Variants in NOS3 observed in about 807,000 individuals in gnomAD.
NOS3 encodes NOS type III.
In NOS3, 98 loss-of-function variants were observed where a neutral mutation model predicts 144.9. The observed-to-expected ratio is 0.68, with a 90% CI of 0.57 to 0.80. The LOEUF (loss-of-function observed/expected upper bound fraction) is 0.80, where lower values mean the gene tolerates loss of function less well. Ranked by LOEUF, NOS3 falls within the 30% of genes least tolerant of loss-of-function variation. NOS3 has a pLI of 0.00. For synonymous variants in NOS3, 714 were observed against 702.4 expected (o/e 1.02, Z -0.26); for missense variants, 1,465 against 1,656.4 (o/e 0.88, Z 2.01).
chr7:150,994,093 GT>G, intron 2 of NOS3, 132 bp downstream of exon 2: 1 of 979,338 alleles, frequency 1.0e-6, no homozygotes, highest in South Asian at 1.5e-5. Flanking sequence ...GGCTATTAAT[GT>G]GCATAGAACA....
chr7:151,010,349 A>C, intron 21 of NOS3, 62 bp downstream of exon 21: 12 of 1,484,322 alleles, frequency 8.1e-6, no homozygotes, highest in Non-Finnish European at 1.1e-5. Flanking sequence ...GGGGGACCCC[A>C]GTGGCAGGAA....
Position 151,010,616 on chromosome 7 carries a change from A to G in NOS3, c.2705A>G (p.Glu902Gly), listed in dbSNP as rs760523881. 1.9e-6 allele frequency: 3 copies of G among 1,599,052 alleles called. No individual in the cohort carries two copies. Among genetic ancestry groups the G allele is most frequent in the Admixed American group, 3.4e-5 (2 of 58,362 alleles). ...CGCCAGGATCCCCGACGCTACGAGG[A>G]GTGGAAGTGGTTCCGCTGCCCCACG... ...ALSQDPRRYE[E>G]WKWFRCPTLL... The change falls in exon 22 of 27, where the codon GAG (glutamate) becomes GGG (glycine). Residue 902 changes from glutamate to glycine, a missense_variant. By Grantham distance (98) the Glu-to-Gly change is moderately conservative. This residue lies in a region of NOS3 where 745 missense variants were observed against 853.9 expected (regional missense o/e 0.87). Coordinates refer to ENST00000297494, the MANE Select transcript of NOS3 (RefSeq NM_000603.5).
At chr7:150,995,417 G>A (rs1267051154) in intron 3 of NOS3, 103 bp downstream of exon 3, 4 of 711,522 alleles carry the variant, frequency 5.6e-6, no homozygotes, top group Non-Finnish European at 9.5e-6. Flanking sequence ...CTTTGAATTG[G>A]TCCCTTGTTT....
chr7:151,011,115 T>C, intron 23 of NOS3, 129 bp downstream of exon 23: 2 of 663,974 alleles, frequency 3.0e-6, no homozygotes, highest in Non-Finnish European at 5.4e-6. Context: ...GGGTGTGGTG[T>C]CATTAGGTCA....
Position 150,993,941 on chromosome 7 carries a change from C to T in NOS3, c.138C>T (p.Leu46=). 1 of 1,569,470 alleles carries T rather than the reference C, an allele frequency of 6.4e-7. No homozygotes were observed. Among genetic ancestry groups the T allele is most frequent in the Non-Finnish European group, 8.6e-7 (1 of 1,159,598 alleles). ...PEPSRAPASL[L]PPAPEHSPPS... ...CCAGCCGGGCCCCAGCATCCCTACTCCCACCAGCGCCAGAACACAGGTAAG... is the reference window on the plus strand; with the variant it reads ...CCAGCCGGGCCCCAGCATCCCTACTTCCACCAGCGCCAGAACACAGGTAAG... The change falls in exon 2 of 27, where the codon CTC becomes CTT. Residue 46 remains leucine (L), a synonymous_variant. Transcript: ENST00000297494. This position sits in a 1 kb window ranked among gnomAD's most constrained non-coding sequence, Gnocchi z 4.0.
Position 151,013,232 on chromosome 7 carries a change from G to A in NOS3, c.3108G>A (p.Gly1036=), listed in dbSNP as rs1372420356. 6.2e-7 allele frequency: 1 copy of A among 1,612,190 alleles called. No homozygotes were observed. The highest frequency in any genetic ancestry group is 8.5e-7 in the Non-Finnish European group (1 of 1,179,160). The change falls in exon 25 of 27, where the codon GGG becomes GGA. Residue 1036 remains glycine (G), a splice_region_variant and synonymous_variant. Coordinates refer to ENST00000297494, the MANE Select transcript of NOS3 (RefSeq NM_000603.5). Reference sequence around the variant, plus strand: ...TCCCAAGCGCGGGGTTGCTTGCAGGGCTGCAGCCCACTCCCATGACTTTGG... The same window carrying A: ...TCCCAAGCGCGGGGTTGCTTGCAGGACTGCAGCCCACTCCCATGACTTTGG... ...QERLHDIESK[G]LQPTPMTLVF...
chr7:151,003,482 C>T lies in NOS3; in HGVS notation c.1752+1178C>T, dbSNP rs1584907036. ...AAACCCTTTTTGCTGCCTTAGTGTC[C>T]GTTTCAGCCCTCATTCTGACCTACC... On this transcript the variant is annotated intron_variant, in intron 14 of 26. Transcript: ENST00000297494. This position sits in a 1 kb window ranked among gnomAD's most constrained non-coding sequence, Gnocchi z 4.1. 6.5e-6 allele frequency: 8 copies of T among 1,229,140 alleles called. No homozygotes were observed. Among genetic ancestry groups the T allele is most frequent in the Admixed American group, 5.8e-5 (2 of 34,196 alleles). 76.1% of individuals were successfully genotyped at this position (1,229,140 alleles called of 1,614,324 possible).
At chr7:151,000,654 G>A in intron 10 of NOS3, 55 bp downstream of exon 10, 1 of 1,219,464 alleles carries the variant, frequency 8.2e-7, no homozygotes, top group South Asian at 1.2e-5. Flanking sequence ...GGGGGCAGCA[G>A]GGGCGGGGGA....
Position 151,014,056 on chromosome 7 carries a change from CAGG to C in NOS3, c.3503_3505del (p.Glu1168del). 6.2e-7 allele frequency: 1 copy of C among 1,613,804 alleles called. No individual in the cohort carries two copies. Among genetic ancestry groups the C allele is most frequent in the Non-Finnish European group, 8.5e-7 (1 of 1,179,916 alleles). On this transcript the variant is annotated inframe_deletion, in exon 27 of 27. Transcript: ENST00000297494. ...CATTTTCGGGCTCACGCTGCGCACC[CAGG>C]AGGTGACAAGCCGCATACGCACCCA...
In NOS3 at chr7:151,014,134, T is replaced by A; in HGVS notation, c.3577T>A (p.Phe1193Ile). The part of the protein sequence containing the change: ...RQLRGAVPWA[F>I]DPPGSDTNSP ...GTTGCGGGGCGCAGTGCCCTGGGCG[T>A]TCGACCCTCCCGGCTCAGACACCAA... Residue 1193 changes from phenylalanine (F) to isoleucine (I), a missense_variant, in exon 27 of 27, where the codon TTC (phenylalanine) becomes ATC (isoleucine). Coordinates refer to ENST00000297494, the MANE Select transcript of NOS3 (RefSeq NM_000603.5). 1 of 1,611,482 alleles carries A rather than the reference T, an allele frequency of 6.2e-7. No homozygotes were observed. Among genetic ancestry groups the A allele is most frequent in the Non-Finnish European group, 8.5e-7 (1 of 1,178,376 alleles).
At chr7:150,995,935 T>C (rs1159583345) in intron 3 of NOS3, among the ~76,000 whole-genome samples, 1 of 2,406 alleles carries the variant, frequency 4.2e-4, no homozygotes, top group African/African-American at 5.1e-3. Context: ...CCCTGCACCC[T>C]TCCTCCCTCT....
Position 151,010,103 on chromosome 7 carries a change from C to T in NOS3, c.2513-12C>T, listed in dbSNP as rs1343186027. The T allele has an allele frequency of 5.1e-6, 8 of 1,561,044 alleles. No homozygotes were observed. Among genetic ancestry groups the T allele is most frequent in the Middle Eastern group, 2.3e-4 (1 of 4,338 alleles). On this transcript the variant is annotated splice_polypyrimidine_tract_variant and intron_variant, in intron 20 of 26. Transcript: ENST00000297494. ...GGCCCTGTCCTCAGAGCTCCCTGTG[C>T]ACTATCCCCAGGTGGCCCTCCCCCC...
In NOS3 at chr7:150,993,882, G is replaced by A. The variant is rs372106353; in HGVS notation, c.79G>A (p.Gly27Ser). The A allele has an allele frequency of 1.2e-5, 20 of 1,602,680 alleles. No individual in the cohort carries two copies. The highest frequency in any genetic ancestry group is 1.8e-4 in the Middle Eastern group (1 of 5,632). ...GCTGGGGCTGGGCCTTGGGCTGTGC[G>A]GCAAGCAGGGCCCAGCCACCCCGGC... ...LGLGLGLGLC[G>S]KQGPATPAPE... is the part of the protein sequence containing the mutation. The change falls in exon 2 of 27, where the codon GGC becomes AGC. Residue 27 changes from glycine (G) to serine (S), a missense_variant. Around this residue, in one of 5 missense-constraint regions of NOS3, gnomAD observed 374 missense variants for 377.0 expected, o/e 0.99. Transcript: ENST00000297494. This position sits in a 1 kb window ranked among gnomAD's most constrained non-coding sequence, Gnocchi z 4.0.
Position 151,009,248 on chromosome 7 carries a change from C to G in NOS3, c.2305C>G (p.Leu769Val), listed in dbSNP as rs766379749. The change falls in exon 19 of 27, where the codon CTG (leucine) becomes GTG (valine). Residue 769 changes from leucine (L) to valine (V), a missense_variant. By Grantham distance (32) the Leu-to-Val change is conservative. This residue lies in a region of NOS3 where 745 missense variants were observed against 853.9 expected (regional missense o/e 0.87). Coordinates refer to ENST00000297494, the MANE Select transcript of NOS3 (RefSeq NM_000603.5). Reference protein sequence around the residue: ...FQATIRSVENLQSSKSTRATI... With the variant: ...FQATIRSVENVQSSKSTRATI... ...GGCTACAATCCGCTCAGTGGAAAAC[C>G]TGCAAAGCAGCAAGTCCACGTGAGG... The G allele has an allele frequency of 6.2e-7, 1 of 1,613,548 alleles. No individual in the cohort carries two copies. Among genetic ancestry groups the G allele is most frequent in the South Asian group, 1.1e-5 (1 of 91,078 alleles).
At chr7:150,999,690 G>A (rs1777660895) in intron 9 of NOS3, among the ~76,000 whole-genome samples, 1 of 149,096 alleles carries the variant, frequency 6.7e-6, no homozygotes, top group African/African-American at 2.5e-5. Context: ...GTGGGGGTAG[G>A]TGGGTGTGGG....
chr7:150,996,931 G>A lies in NOS3; in HGVS notation c.582+6G>A. The A allele has an allele frequency of 6.4e-7, 1 of 1,556,334 alleles. No homozygotes were observed. On this transcript the variant is annotated splice_donor_region_variant and intron_variant, in intron 5 of 26. Coordinates refer to ENST00000297494, the MANE Select transcript of NOS3 (RefSeq NM_000603.5). ...TCCAGTGGGGGAAGCTGCAGGTGCGGCTGGCCAGCGACTGAGAGACCCGGG... is the reference window on the plus strand; with the variant it reads ...TCCAGTGGGGGAAGCTGCAGGTGCGACTGGCCAGCGACTGAGAGACCCGGG...
At position 150,998,352 on chromosome 7, in the gene NOS3, C is replaced by T. The variant is rs1217949165; in HGVS notation, c.583-5C>T. 1 of 1,610,802 alleles carries T rather than the reference C, an allele frequency of 6.2e-7. No individual in the cohort carries two copies. The highest frequency in any genetic ancestry group is 8.5e-7 in the Non-Finnish European group (1 of 1,179,358). ...CCTCCTCTCCCGCTGCCTCGGCTGG[C>T]TCAGGTGTTCGATGCCCGGGACTGC... On this transcript the variant is annotated splice_region_variant and splice_polypyrimidine_tract_variant and intron_variant, in intron 5 of 26. Coordinates refer to ENST00000297494, the MANE Select transcript of NOS3 (RefSeq NM_000603.5). This position sits in a 1 kb window ranked among gnomAD's most constrained non-coding sequence, Gnocchi z 5.0.
At position 151,012,455 on chromosome 7, in the gene NOS3, A is replaced by G. The variant is rs1395033620; in HGVS notation, c.3089A>G (p.His1030Arg). 6.2e-7 allele frequency: 1 copy of G among 1,612,104 alleles called. No homozygotes were observed. Among genetic ancestry groups the G allele is most frequent in the East Asian group, 2.2e-5 (1 of 44,832 alleles). The change falls in exon 24 of 27, where the codon CAT (histidine) becomes CGT (arginine). Residue 1030 changes from histidine (H) to arginine (R), a missense_variant. Physicochemically the swap from His to Arg is conservative, Grantham distance 29. This residue lies in a region of NOS3 where 106 missense variants were observed against 167.7 expected (regional missense o/e 0.63). Transcript: ENST00000297494. The part of the protein sequence containing the change: ...PFRGFWQERL[H>R]DIESKGLQPT... ...CGGGGATTCTGGCAGGAGCGGCTGC[A>G]TGACATTGAGAGCAAAGGTGAGGCT...
chr7:151,001,701 GC>G, intron 12 of NOS3, 84 bp downstream of exon 12: 1 of 1,573,236 alleles, frequency 6.4e-7, no homozygotes, highest in Non-Finnish European at 8.7e-7. Context: ...CCCTGCCCCA[GC>G]AGTGTTCTGG....
Sources: allele counts gnomAD v4.1 joint callset (sites outside exome capture counted in the v4.1 genomes callset), GRCh38; gene constraint gnomAD v4.1.1; regional missense constraint gnomAD v4.1.1; non-coding constraint Gnocchi (gnomAD v3.1); transcripts MANE v1.5; gene names NCBI Gene and HGNC (gene_info 2026-07-23, HGNC 2026-07-21).